BRD4: variants seen among roughly 807,000 people sequenced by gnomAD.
BRD4 encodes the protein bromodomain-containing protein 4.
Under a neutral mutation model 142.1 loss-of-function variants are expected in BRD4, and 16 were observed. That is an observed-to-expected ratio of 0.11 (90% CI 0.08 to 0.17). The LOEUF (loss-of-function observed/expected upper bound fraction) is 0.17. Ranked by LOEUF, BRD4 falls within the 10% of genes least tolerant of loss-of-function variation. BRD4 has a pLI of 1.00. For synonymous variants in BRD4, 833 were observed against 707.5 expected (o/e 1.18, Z -2.82); for missense variants, 1,424 against 1,810.9 (o/e 0.79, Z 3.88).
chr19:15,250,303 C>G (rs923491592), intron 11 of BRD4, among the ~76,000 whole-genome samples: 2 of 152,194 alleles, frequency 1.3e-5, no homozygotes, highest in East Asian at 1.9e-4. Flanking sequence ...CCTACTCCCC[C>G]ACCTCCAGGG....
At chr19:15,320,876 G>A (rs1461742070) in intron 1 of BRD4, among the ~76,000 whole-genome samples, 1 of 152,236 alleles carries the variant, frequency 6.6e-6, no homozygotes, top group Non-Finnish European at 1.5e-5. Context: ...AAACTAGTAT[G>A]GAAACCTCCT....
Position 15,258,529 on chromosome 19 carries a change from T to C in BRD4, c.1342-1356A>G, listed in dbSNP as rs552588106. ...AAACTCCTGACCTCAACAGATCCACTTGCCACAGCCTCCCAAAGGGTTGGG... is the reference window on the plus strand; with the variant it reads ...AAACTCCTGACCTCAACAGATCCACCTGCCACAGCCTCCCAAAGGGTTGGG... On this transcript the variant is annotated intron_variant, in intron 7 of 19. Transcript: ENST00000679869. Among the ~76,000 whole-genome samples the C allele has an allele frequency of 3.9e-5, 6 of 152,030 alleles. No individual in the cohort carries two copies. The South Asian group carries it at 1.2e-3, about 32-fold the overall frequency.
chr19:15,275,964 A>T (rs1438877324), intron 1 of BRD4: 1 of 152,770 alleles, frequency 6.5e-6, no homozygotes, highest in Non-Finnish European at 1.5e-5. Flanking sequence ...ACTGTACTCC[A>T]GCCTGGGCAA....
chr19:15,265,279 CT>C (rs2047519624), intron 5 of BRD4, 74 bp downstream of exon 5: 36 of 1,357,304 alleles, frequency 2.7e-5, no homozygotes, highest in Non-Finnish European at 3.5e-5. Context: ...AGGACAGGCT[CT>C]GTGTAAAGCA....
intron 11 of BRD4, chr19:15,253,696 C>T (rs199764678): frequency 1.2e-5 from 19 of 1,598,352 alleles, no homozygotes; most frequent in South Asian, 2.2e-5. Flanking sequence ...CAGAAACCAG[C>T]GAAGCATCTC....
intron 1 of BRD4, among the ~76,000 whole-genome samples, chr19:15,320,727 C>T (rs547349201): frequency 5.9e-5 from 9 of 152,296 alleles, no homozygotes; most frequent in African/African-American, 2.2e-4. Context: ...TCCTTCTATG[C>T]CTGACACAGG....
intron 4 of BRD4, among the ~76,000 whole-genome samples, chr19:15,266,723 G>GT (rs2047537915): frequency 6.6e-6 from 1 of 152,230 alleles, no homozygotes; most frequent in African/African-American, 2.4e-5. Flanking sequence ...GGGAGGCCAG[G>GT]TGAAAGGCTG....
chr19:15,249,135 C>A (rs2145538545), intron 11 of BRD4: 1 of 1,411,764 alleles, frequency 7.1e-7, no homozygotes, highest in Non-Finnish European at 9.8e-7. Context: ...CTAATCCACC[C>A]CGGGGGACAG....
Position 15,271,371 on chromosome 19 carries a change from T to A in BRD4, c.285+1444A>T, listed in dbSNP as rs3787027. Among the ~76,000 whole-genome samples the A allele has an allele frequency of 7.9e-5, 12 of 152,316 alleles. No homozygotes were observed. In the East Asian group the frequency reaches 2.1e-3, roughly 27 times the overall value. Reference sequence around the variant, plus strand: ...TGGTTTCTACTTCTGTGTCACGTCTTCCTAAGGTCACCAATGCCCTCCTAA... The same window carrying A: ...TGGTTTCTACTTCTGTGTCACGTCTACCTAAGGTCACCAATGCCCTCCTAA... On this transcript the variant is annotated intron_variant, in intron 2 of 19. Coordinates refer to ENST00000679869, the MANE Select transcript of BRD4 (RefSeq NM_001379291.1).
intron 1 of BRD4, among the ~76,000 whole-genome samples, chr19:15,292,034 A>G (rs903342532): frequency 6.6e-6 from 1 of 152,234 alleles, no homozygotes; most frequent in Non-Finnish European, 1.5e-5. Flanking sequence ...CTACGTAGTG[A>G]CAAAATGATT....
chr19:15,283,605 C>G (rs1158867617), intron 1 of BRD4, among the ~76,000 whole-genome samples: 1 of 152,126 alleles, frequency 6.6e-6, no homozygotes, highest in African/African-American at 2.4e-5. Flanking sequence ...TGTTCCAAAA[C>G]ACACCAGCTT....
chr19:15,298,695 C>T (rs1011827649), intron 1 of BRD4, among the ~76,000 whole-genome samples: 3 of 143,820 alleles, frequency 2.1e-5, no homozygotes, highest in Non-Finnish European at 4.5e-5. Flanking sequence ...CTCACCCCAC[C>T]CTGAAAAAGA....
chr19:15,331,919 G>A (rs1267328749), intron 1 of BRD4: 1 of 145,258 alleles, frequency 6.9e-6, no homozygotes, highest in Non-Finnish European at 1.5e-5. Context: ...GCGGCGGCAG[G>A]AAGTGCCGGG....
chr19:15,243,410 G>C lies in BRD4; in HGVS notation c.2659C>G (p.Pro887Ala), dbSNP rs536003211. The C allele has an allele frequency of 1.9e-6, 3 of 1,562,184 alleles. No homozygotes were observed. The South Asian group carries it at 3.7e-5, about 19-fold the overall frequency. ...AAALPPKPAR[P>A]PAVSPALTQT... ...GTCAAGGCTGGTGACACGGCTGGGGGCCGGGCGGGCTTGGGAGGCAGGGCA... is the reference window on the plus strand; with the variant it reads ...GTCAAGGCTGGTGACACGGCTGGGGCCCGGGCGGGCTTGGGAGGCAGGGCA... The change falls in exon 14 of 20, where the codon CCC becomes GCC. Residue 887 changes from proline to alanine, a missense_variant. By Grantham distance (27) the Pro-to-Ala change is conservative (BLOSUM62 -1). Around this residue, in one of 16 missense-constraint regions of BRD4, gnomAD observed 598 missense variants for 647.8 expected, o/e 0.92. Transcript: ENST00000679869.
chr19:15,285,608 C>G (rs1599488319), intron 1 of BRD4, among the ~76,000 whole-genome samples: 2 of 152,056 alleles, frequency 1.3e-5, no homozygotes, highest in Non-Finnish European at 2.9e-5. Flanking sequence ...TAAGGTGCAT[C>G]ACACATAAAT....
At chr19:15,255,692 CATA>C in intron 9 of BRD4, 100 bp from the exon 10 acceptor site, 1 of 1,415,512 alleles carries the variant, frequency 7.1e-7, no homozygotes, top group Non-Finnish European at 9.5e-7. Context: ...GTGCCCTTCC[CATA>C]CCCCCCACCC....
At chr19:15,278,484 G>A (rs1365819376) in intron 1 of BRD4, among the ~76,000 whole-genome samples, 1 of 137,708 alleles carries the variant, frequency 7.3e-6, no homozygotes, top group African/African-American at 2.7e-5. Context: ...GCAGTGAGCA[G>A]AGATTGTGCC....
intron 1 of BRD4, among the ~76,000 whole-genome samples, chr19:15,316,489 G>A (rs1045548109): frequency 7.2e-5 from 11 of 152,090 alleles, no homozygotes; most frequent in Non-Finnish European, 1.3e-4. Flanking sequence ...AACTCAGGAG[G>A]CTGAGGCAGG....
In BRD4 at chr19:15,256,948, C is replaced by G. The variant is rs1214384697; in HGVS notation, c.1551+16G>C. 6.5e-7 allele frequency: 1 copy of G among 1,545,600 alleles called. No individual in the cohort carries two copies. Among genetic ancestry groups the G allele is most frequent in the Non-Finnish European group, 8.7e-7 (1 of 1,143,954 alleles). ...CGGACTCTGGGGATTAAGAATGGAG[C>G]CACCAATGCCCTCACCTGCTCCTGG... On this transcript the variant is annotated intron_variant, in intron 8 of 19. Coordinates refer to ENST00000679869, the MANE Select transcript of BRD4 (RefSeq NM_001379291.1).
Sources: allele counts gnomAD v4.1 joint callset (sites outside exome capture counted in the v4.1 genomes callset), GRCh38; gene constraint gnomAD v4.1.1; regional missense constraint gnomAD v4.1.1; transcripts MANE v1.5; gene names NCBI Gene and HGNC (gene_info 2026-07-23, HGNC 2026-07-21).